SYT14: variants seen among roughly 807,000 people sequenced by gnomAD.
SYT14 encodes synaptotagmin 14, also known as synaptotagmin-14.
Under a neutral mutation model 74.2 loss-of-function variants are expected in SYT14, and 32 were observed. The ratio of observed to expected loss-of-function variants is 0.43; its 90% CI spans 0.33 to 0.58. SYT14 has a LOEUF of 0.58. Ranked by LOEUF, SYT14 falls within the 20% of genes least tolerant of loss-of-function variation. The probability of loss-of-function intolerance (pLI) is 0.05; values close to 1 mark genes in which losing one functional copy is unlikely to be tolerated. For missense variants in SYT14, 791 were observed against 981.8 expected (o/e 0.81, Z 2.60); for synonymous variants, 298 against 337.7 (o/e 0.88, Z 1.29).
rs79265450 is a variant in SYT14 at position 210,101,627 on chromosome 1, A to G, written c.2034+1166A>G. On this transcript the variant is annotated intron_variant, in intron 7 of 9. Coordinates refer to ENST00000637265, the Ensembl canonical transcript of SYT14. ...TAAATTTTCAGAATTATTTTGGGGA[A>G]ATACCTTTTAGAAATAATAGCAGCT... 0.01 allele frequency among the ~76,000 whole-genome samples: 1,567 copies of G among 152,098 alleles called. 75 individuals are homozygous for G. In the East Asian group the frequency reaches 0.18, roughly 17 times the overall value.
At chr1:210,065,968 C>A (rs564643936) in intron 5 of SYT14, among the ~76,000 whole-genome samples, 3 of 150,818 alleles carry the variant, frequency 2.0e-5, no homozygotes, top group African/African-American at 7.3e-5. Context: ...TGAGTGAGAA[C>A]GTGTGGCGTT....
At chr1:210,052,552 A>C (rs2081017885) in intron 5 of SYT14, among the ~76,000 whole-genome samples, 1 of 150,984 alleles carries the variant, frequency 6.6e-6, no homozygotes, top group African/African-American at 2.4e-5. Flanking sequence ...AATCCCAGCT[A>C]CTCAGGAGGC....
chr1:210,110,870 G>A (rs946319725), intron 7 of SYT14, among the ~76,000 whole-genome samples: 4 of 152,136 alleles, frequency 2.6e-5, no homozygotes, highest in South Asian at 4.2e-4. Context: ...TCAGCCTCCC[G>A]AGTAGCTGGG....
chr1:210,019,409 G>C (rs2080257927), intron 4 of SYT14, among the ~76,000 whole-genome samples: 1 of 152,080 alleles, frequency 6.6e-6, no homozygotes, highest in South Asian at 2.1e-4. Flanking sequence ...TCTCTGCATT[G>C]TTCCATATAG....
At chr1:210,032,311 A>G (rs1221174069) in intron 5 of SYT14, among the ~76,000 whole-genome samples, 4 of 152,036 alleles carry the variant, frequency 2.6e-5, no homozygotes, top group Admixed American at 2.6e-4. Context: ...AGTGTTTTCT[A>G]CCAGTTCTTC....
chr1:210,045,454 TTTG>T (rs946021975), intron 5 of SYT14, among the ~76,000 whole-genome samples: 3 of 152,202 alleles, frequency 2.0e-5, no homozygotes, highest in Non-Finnish European at 4.4e-5. Flanking sequence ...ATATTCTTTT[TTTG>T]TTGTTGTTTT....
chr1:209,979,439 CT>C (rs1033962559), intron 2 of SYT14, among the ~76,000 whole-genome samples: 1,661 of 149,362 alleles, frequency 0.011, 25 homozygotes, highest in African/African-American at 0.036. Context: ...ACAAATGGGT[CT>C]TTTTTTTTTC....
At chr1:209,955,508 T>G (rs1303551029) in intron 2 of SYT14, among the ~76,000 whole-genome samples, 3 of 152,200 alleles carry the variant, frequency 2.0e-5, no homozygotes, top group African/African-American at 7.2e-5. Flanking sequence ...TTCATCCTGC[T>G]GCTGTCATTG....
intron 7 of SYT14, among the ~76,000 whole-genome samples, chr1:210,110,405 G>A (rs2082239727): frequency 6.6e-6 from 1 of 152,204 alleles, no homozygotes; most frequent in Admixed American, 6.5e-5. Context: ...AAGGAAAATA[G>A]TTATTCTTTT....
At chr1:209,952,830 A>G (rs2078933465) in intron 2 of SYT14, 74 bp downstream of exon 2, 3 of 1,368,324 alleles carry the variant, frequency 2.2e-6, no homozygotes, top group Non-Finnish European at 3.1e-6. Context: ...TTTTAGTAGG[A>G]TGGCGGATAA....
chr1:209,961,551 A>G (rs755102877), intron 2 of SYT14, among the ~76,000 whole-genome samples: 12 of 152,120 alleles, frequency 7.9e-5, no homozygotes, highest in Non-Finnish European at 1.2e-4. Context: ...TAAAATGGTG[A>G]CATTATTAAG....
intron 7 of SYT14, among the ~76,000 whole-genome samples, chr1:210,147,921 C>T (rs1375733611): frequency 6.6e-6 from 1 of 152,032 alleles, no homozygotes; most frequent in African/African-American, 2.4e-5. Flanking sequence ...TGGAGCAGCC[C>T]ATCCTGAGCC....
At chr1:210,157,069 T>C (rs887828440) in intron 8 of SYT14, among the ~76,000 whole-genome samples, 6 of 152,108 alleles carry the variant, frequency 3.9e-5, no homozygotes, top group Non-Finnish European at 8.8e-5. Flanking sequence ...TCTGAAATAA[T>C]AATGCCACTT....
chr1:209,974,492 T>G (rs2079319659), intron 2 of SYT14, among the ~76,000 whole-genome samples: 1 of 152,242 alleles, frequency 6.6e-6, no homozygotes, highest in Admixed American at 6.5e-5. Flanking sequence ...TTCTTGTTTT[T>G]GTCAGATTTG....
At chr1:210,093,473 C>T (rs576025649) in intron 5 of SYT14, among the ~76,000 whole-genome samples, 9 of 152,272 alleles carry the variant, frequency 5.9e-5, no homozygotes, top group African/African-American at 1.9e-4. Flanking sequence ...CCTTATTTCC[C>T]TCCTGCCCCC....
At chr1:210,159,355 C>T in intron 8 of SYT14, 66 bp from the exon 8 acceptor site, 1 of 1,456,548 alleles carries the variant, frequency 6.9e-7, no homozygotes, top group Non-Finnish European at 9.4e-7. Flanking sequence ...ACCTTTGACC[C>T]TCTTTCACCC....
chr1:210,107,000 A>G (rs2082170176), intron 7 of SYT14, among the ~76,000 whole-genome samples: 1 of 152,210 alleles, frequency 6.6e-6, no homozygotes, highest in African/African-American at 2.4e-5. Flanking sequence ...GAGTAAATAC[A>G]CCTGTTCCAA....
chr1:210,133,485 GAGGACACC>G (rs1353843591), intron 7 of SYT14, among the ~76,000 whole-genome samples: 1 of 152,188 alleles, frequency 6.6e-6, no homozygotes, highest in Non-Finnish European at 1.5e-5. Context: ...TTTGATAGCA[GAGGACACC>G]AGTAAATGCT....
intron 5 of SYT14, among the ~76,000 whole-genome samples, chr1:210,061,638 G>A (rs1322195139): frequency 6.6e-6 from 1 of 151,778 alleles, no homozygotes; most frequent in Non-Finnish European, 1.5e-5. Context: ...TTACAGATGA[G>A]GGTCACTTCT....
Sources: gnomAD v4.1 joint callset for allele counts (sites outside exome capture counted in the v4.1 genomes callset) on GRCh38, gnomAD v4.1.1 for gene constraint, MANE v1.5 for transcripts, NCBI Gene and HGNC (gene_info 2026-07-23, HGNC 2026-07-21) for gene names.